PKM: variants seen among roughly 807,000 people sequenced by gnomAD.
PKM encodes the protein pyruvate kinase PKM.
A neutral mutation model predicts 49.8 loss-of-function variants in PKM; 18 were observed. The ratio of observed to expected loss-of-function variants is 0.36; its 90% confidence interval spans 0.25 to 0.54. PKM has a LOEUF of 0.54. Ranked by LOEUF, PKM falls within the 20% of genes least tolerant of loss-of-function variation. The probability of loss-of-function intolerance (pLI) is 0.89; values close to 1 mark genes in which losing one functional copy is unlikely to be tolerated. For synonymous variants in PKM, 239 were observed against 261.8 expected, an observed-to-expected ratio of 0.91 and a Z score of 0.84; for missense variants, 508 against 713.8, an observed-to-expected ratio of 0.71 and a Z score of 3.28.
intron 1 of PKM, among the ~76,000 whole-genome samples, chr15:72,220,427 T>C (rs1383427707): frequency 6.6e-6 from 1 of 152,172 alleles, no homozygotes; most frequent in South Asian, 2.1e-4. Flanking sequence ...AATCCATCTC[T>C]GCCATCTCCA....
chr15:72,229,844 C>T lies in PKM; in HGVS notation c.-14+1272G>A, dbSNP rs936157604. 5 of 247,354 alleles carry T rather than the reference C, an allele frequency of 2.0e-5. No individual in the cohort carries two copies. In the South Asian group the frequency reaches 6.2e-4, roughly 30 times the overall value. The allele number at this position is 247,354 out of a possible 1,614,324, so 15.3% of individuals were successfully genotyped here. ...TCCTGCCCCCTCCGTAACCAGATCC[C>T]CACCCCACCCCGCGGCCTCCGCGTT... On this transcript the variant is annotated intron_variant, in intron 1 of 10. Coordinates refer to ENST00000335181, the MANE Select transcript of PKM (RefSeq NM_002654.6).
intron 10 of PKM, 31 bp from the exon 11 acceptor site, chr15:72,199,787 A>G (rs760576136): frequency 6.6e-7 from 1 of 1,514,878 alleles, no homozygotes; most frequent in Non-Finnish European, 9.1e-7. Context: ...TTGGTGAGTA[A>G]AAGCCAAGCC....
Position 72,210,440 on chromosome 15 carries a change from C to T in PKM, c.285G>A (p.Thr95=), listed in dbSNP as rs148650987. ...AETIKNVRTA[T]ESFASDPILY... is the part of the protein sequence containing the mutation. ...GGATGGGGTCAGAAGCAAAGCTTTC[C>T]GTGGCTGTGCGCACATTCTTGATGG... Residue 95 remains threonine (T), a synonymous_variant, in exon 4 of 11, where the codon ACG becomes ACA. Transcript: ENST00000335181. The T allele has an allele frequency of 3.2e-4, 512 of 1,614,130 alleles. 2 individuals are homozygous for T. The highest frequency in any genetic ancestry group is 3.9e-4 in the Non-Finnish European group (461 of 1,180,000).
rs2081975540 is a variant in PKM at position 72,202,712 on chromosome 15, G to A, written c.1141-92C>T. On this transcript the variant is annotated intron_variant, in intron 8 of 10. Transcript: ENST00000335181. The surrounding 1 kb of genome is among the most constrained non-coding windows in gnomAD (Gnocchi z 4.5). ...AAGGAGAGGGAGGGGAAGAGTCACCGGACAGCTGGTGAGGAACATGTTCCT... is the reference window on the plus strand; with the variant it reads ...AAGGAGAGGGAGGGGAAGAGTCACCAGACAGCTGGTGAGGAACATGTTCCT... 7 of 1,123,094 alleles carry A rather than the reference G, an allele frequency of 6.2e-6. No homozygotes were observed. Among genetic ancestry groups the A allele is most frequent in the South Asian group, 1.3e-5 (1 of 75,424 alleles). 69.6% of individuals were successfully genotyped at this position (1,123,094 alleles called of 1,614,324 possible). A position where few individuals can be genotyped will look rare whatever the true frequency, so the allele number is the denominator to read the frequency against.
chr15:72,200,581 C>T lies in PKM; in HGVS notation c.1382G>A (p.Arg461His), dbSNP rs141505399. 9.3e-6 allele frequency: 15 copies of T among 1,613,900 alleles called. No homozygotes were observed. Among genetic ancestry groups the T allele is most frequent in the African/African-American group, 5.3e-5 (4 of 74,892 alleles). The change falls in exon 10 of 11, where the codon CGT (arginine) becomes CAT (histidine). Residue 461 changes from arginine to histidine, a missense_variant. Arg to His is a conservative substitution (Grantham distance 29). Transcript: ENST00000335181. The surrounding 1 kb of genome is among the most constrained non-coding windows in gnomAD (Gnocchi z 4.6). ...GATGCCACGGTACAGGTGGGCCTGA[C>T]GAGCTGTCTGGGGATTCCGGGTCAC... ...IAVTRNPQTA[R>H]QAHLYRGIFP...
rs762821876 is a variant in PKM at position 72,210,333 on chromosome 15, C to T, written c.378+14G>A. On this transcript the variant is annotated intron_variant, in intron 4 of 10. Transcript: ENST00000335181. ...CCTACTGAGCCTTCCCCTCGCTCTC[C>T]GCAGAATACTCACGCCCTTGATGAG... is the stretch of plus-strand genomic sequence containing the variant. 2.2e-5 allele frequency: 35 copies of T among 1,613,184 alleles called. No individual in the cohort carries two copies. Among genetic ancestry groups the T allele is most frequent in the Non-Finnish European group, 2.9e-5 (34 of 1,179,472 alleles).
In PKM at chr15:72,209,877, A is replaced by ACTT. The variant is rs1171466429; in HGVS notation, c.379-19_379-18insAAG. ...GTGCCGCTCTAGGGACAAGAGAGTA[A>ACTT]GCAAGAGTCCAAACTGGAGACACCA... is the stretch of plus-strand genomic sequence containing the variant. On this transcript the variant is annotated intron_variant, in intron 4 of 10. Transcript: ENST00000335181. 1 of 1,611,262 alleles carries ACTT rather than the reference A, an allele frequency of 6.2e-7. No homozygotes were observed. The highest frequency in any genetic ancestry group is 1.1e-5 in the South Asian group (1 of 91,030).
chr15:72,209,901 C>CAGT (rs1353484528), intron 4 of PKM, 42 bp from the exon 5 acceptor site: 1 of 1,494,674 alleles, frequency 6.7e-7, no homozygotes, highest in South Asian at 1.1e-5. Context: ...CTGGAGACAC[C>CAGT]AGTAGCAGCA....
intron 8 of PKM, chr15:72,203,463 G>A (rs1398741692): frequency 1.2e-5 from 6 of 483,618 alleles, no homozygotes; most frequent in Non-Finnish European, 2.3e-5. Flanking sequence ...CAATCTGGCA[G>A]TAGGCTCTAG....
intron 1 of PKM, among the ~76,000 whole-genome samples, chr15:72,225,239 T>C (rs1012412289): frequency 6.6e-6 from 1 of 151,934 alleles, no homozygotes; most frequent in African/African-American, 2.4e-5. Flanking sequence ...CCCGGCCCTC[T>C]TTACTTTCTA....
chr15:72,211,753 G>A (rs988064700), intron 3 of PKM, among the ~76,000 whole-genome samples: 3 of 150,110 alleles, frequency 2.0e-5, no homozygotes, highest in African/African-American at 4.9e-5. Context: ...AGGCTACAGT[G>A]AGCCATGATC....
intron 1 of PKM, among the ~76,000 whole-genome samples, chr15:72,230,028 T>G (rs1324173065): frequency 6.6e-6 from 1 of 152,010 alleles, no homozygotes; most frequent in Non-Finnish European, 1.5e-5. Flanking sequence ...TCCCGCCCGT[T>G]ACGAGGCCCA....
At chr15:72,213,348 T>C (rs1402477093) in intron 3 of PKM, among the ~76,000 whole-genome samples, 1 of 152,224 alleles carries the variant, frequency 6.6e-6, no homozygotes, top group African/African-American at 2.4e-5. Context: ...ATTTCTATAT[T>C]TCTCTAGGCT....
In PKM at chr15:72,208,806, G is replaced by C. The variant is rs1387413664; in HGVS notation, c.651C>G (p.Asp217Glu). 6.2e-7 allele frequency: 1 copy of C among 1,613,960 alleles called. No individual in the cohort carries two copies. Among genetic ancestry groups the C allele is most frequent in the Non-Finnish European group, 8.5e-7 (1 of 1,180,016 alleles). Residue 217 changes from aspartate (D) to glutamate (E), a missense_variant, in exon 6 of 11, where the codon GAC (aspartate) becomes GAG (glutamate). Transcript: ENST00000335181. Reference protein sequence around the residue: ...KGVNLPGAAVDLPAVSEKDIQ... With the variant: ...KGVNLPGAAVELPAVSEKDIQ... ...TGTCCTTCTCCGACACAGCAGGCAA[G>C]TCCACAGCAGCCCCAGGAAGGTTCA... is the stretch of plus-strand genomic sequence containing the variant.
rs182730190 is a variant in PKM, at chr15:72,208,816, G to A, written c.641C>T (p.Ala214Val). The A allele has an allele frequency of 9.3e-6, 15 of 1,614,044 alleles. No individual in the cohort carries two copies. The East Asian group carries it at 2.9e-4, about 31-fold the overall frequency. ...CGACACAGCAGGCAAGTCCACAGCA[G>A]CCCCAGGAAGGTTCACACCCTTCTT... ...GSKKGVNLPG[A>V]AVDLPAVSEK... The change falls in exon 6 of 11, where the codon GCT (alanine) becomes GTT (valine). Residue 214 changes from alanine to valine, a missense_variant. Coordinates refer to ENST00000335181, the MANE Select transcript of PKM (RefSeq NM_002654.6).
intron 1 of PKM, chr15:72,221,101 C>G: frequency 1.1e-6 from 1 of 889,426 alleles, no homozygotes; most frequent in Non-Finnish European, 1.8e-6. Context: ...GCTGGCTCTT[C>G]TTAGACCTGA....
chr15:72,230,599 G>A (rs1161054752), intron 1 of PKM, among the ~76,000 whole-genome samples: 1 of 152,158 alleles, frequency 6.6e-6, no homozygotes, highest in Non-Finnish European at 1.5e-5. Context: ...CATGAATGGA[G>A]AATGGACGCG....
chr15:72,229,755 T>G (rs1324747262), intron 1 of PKM: 5 of 1,121,232 alleles, frequency 4.5e-6, no homozygotes, highest in Non-Finnish European at 5.7e-6. Context: ...CATCCTGGTC[T>G]CTAACTCTGA....
intron 3 of PKM, among the ~76,000 whole-genome samples, chr15:72,215,640 G>C (rs2082360702): frequency 6.6e-6 from 1 of 152,188 alleles, no homozygotes; most frequent in Non-Finnish European, 1.5e-5. Context: ...TCATCCAGCA[G>C]GTGTGGCAGG....
Sources: gnomAD v4.1 joint callset for allele counts (sites outside exome capture counted in the v4.1 genomes callset) on GRCh38, gnomAD v4.1.1 for gene constraint, Gnocchi (gnomAD v3.1) non-coding constraint, MANE v1.5 for transcripts, NCBI Gene and HGNC (gene_info 2026-07-23, HGNC 2026-07-21) for gene names.